Variants in JMJD1C observed in about 807,000 individuals in gnomAD.
JMJD1C encodes the protein jumonji domain containing 1C.
A neutral mutation model predicts 245.3 loss-of-function variants in JMJD1C; 31 were observed. The observed-to-expected ratio is 0.13, with a 90% CI of 0.09 to 0.17. The LOEUF (loss-of-function observed/expected upper bound fraction) is 0.17, where lower values mean the gene tolerates loss of function less well. Ranked by LOEUF, JMJD1C falls within the 10% of genes least tolerant of loss-of-function variation. JMJD1C has a pLI of 1.00. For synonymous variants in JMJD1C, 1,057 were observed against 1,017.4 expected (o/e 1.04, Z -0.74); for missense variants, 2,691 against 3,000.2 (o/e 0.90, Z 2.41).
chr10:63,268,357 A>C (rs1855882311), intron 2 of JMJD1C, among the ~76,000 whole-genome samples: 1 of 150,916 alleles, frequency 6.6e-6, no homozygotes, highest in Admixed American at 6.6e-5. Context: ...GGGAATAACC[A>C]AAAAAAAACC....
At chr10:63,406,339 T>C (rs1219954305) in intron 1 of JMJD1C, among the ~76,000 whole-genome samples, 1 of 152,134 alleles carries the variant, frequency 6.6e-6, no homozygotes, top group Non-Finnish European at 1.5e-5. Context: ...TGGAAAACAA[T>C]ACTGGAAGAG....
chr10:63,222,559 G>C, intron 3 of JMJD1C: 1 of 1,579,736 alleles, frequency 6.3e-7, no homozygotes, highest in Non-Finnish European at 8.7e-7. Flanking sequence ...GTGAAAAACA[G>C]TTTGAACTGT....
intron 1 of JMJD1C, among the ~76,000 whole-genome samples, chr10:63,401,545 C>T (rs977223724): frequency 2.6e-5 from 4 of 152,006 alleles, no homozygotes; most frequent in Non-Finnish European, 5.9e-5. Context: ...CATTTTGGTC[C>T]GAGAATATAC....
chr10:63,247,637 C>G (rs1852398266), intron 3 of JMJD1C, among the ~76,000 whole-genome samples: 1 of 139,626 alleles, frequency 7.2e-6, no homozygotes, highest in Admixed American at 8.1e-5. Flanking sequence ...GAGGTTGAGG[C>G]AGGAGAATTG....
intron 1 of JMJD1C, among the ~76,000 whole-genome samples, chr10:63,461,174 A>G (rs1952770504): frequency 6.6e-6 from 1 of 152,216 alleles, no homozygotes; most frequent in Non-Finnish European, 1.5e-5. Flanking sequence ...TTTACCAGCA[A>G]TAGCAATAAC....
intron 2 of JMJD1C, among the ~76,000 whole-genome samples, chr10:63,370,799 C>T (rs138186330): frequency 6.0e-4 from 92 of 152,174 alleles, no homozygotes; most frequent in African/African-American, 2.1e-3. Context: ...AAACATAAAA[C>T]AAGTTTACTA....
At chr10:63,413,385 T>C (rs1300200770) in intron 1 of JMJD1C, among the ~76,000 whole-genome samples, 1 of 152,184 alleles carries the variant, frequency 6.6e-6, no homozygotes, top group African/African-American at 2.4e-5. Flanking sequence ...TTAAATAACA[T>C]TCTTAAAATT....
chr10:63,433,977 GT>G (rs1950925916), intron 1 of JMJD1C, among the ~76,000 whole-genome samples: 1 of 150,182 alleles, frequency 6.7e-6, no homozygotes, highest in South Asian at 2.1e-4. Flanking sequence ...AATCATTTCA[GT>G]TACAGCTAAA....
At position 63,421,806 on chromosome 10, in the gene JMJD1C, A is replaced by G. The variant is rs935770392; in HGVS notation, c.169-41324T>C. ...TCTCTTACCCTGTCATACACAAGAG[A>G]AGGCCATGTGAGGACATGGCAAGAA... On this transcript the variant is annotated intron_variant, in intron 1 of 25. Coordinates refer to ENST00000399262, the MANE Select transcript of JMJD1C (RefSeq NM_032776.3). Among the ~76,000 whole-genome samples, 9 of 152,318 alleles carry G rather than the reference A, an allele frequency of 5.9e-5. No individual in the cohort carries two copies. In the East Asian group the frequency reaches 1.7e-3, roughly 29 times the overall value.
In JMJD1C at chr10:63,325,406, T is replaced by C. The variant is rs555622310; in HGVS notation, c.333+54912A>G. On this transcript the variant is annotated intron_variant, in intron 2 of 25. Transcript: ENST00000399262. ...CCCAGGATGGAGTGCTGTGAGGAGA[T>C]CACAGCTCACTGCAGCCTCAATCTC... Among the ~76,000 whole-genome samples the C allele has an allele frequency of 2.0e-5, 3 of 152,242 alleles. No individual in the cohort carries two copies. The East Asian group carries it at 5.8e-4, about 29-fold the overall frequency.
chr10:63,203,076 G>C (rs973520187), intron 10 of JMJD1C: 1 of 984,814 alleles, frequency 1.0e-6, no homozygotes, highest in Admixed American at 6.2e-5. Flanking sequence ...TAGGCATTTA[G>C]AGCTTTTTTT....
chr10:63,169,773 T>C (rs1442201897), intron 24 of JMJD1C, among the ~76,000 whole-genome samples: 1 of 152,196 alleles, frequency 6.6e-6, no homozygotes, highest in Non-Finnish European at 1.5e-5. Context: ...ATTTTCAGCA[T>C]TTCTGTACAG....
chr10:63,231,239 CTG>C, intron 3 of JMJD1C, among the ~76,000 whole-genome samples: 1 of 152,188 alleles, frequency 6.6e-6, no homozygotes. Flanking sequence ...TCCTAAATTT[CTG>C]TGATTACTTT....
At chr10:63,461,428 C>A (rs921151623) in intron 1 of JMJD1C, among the ~76,000 whole-genome samples, 11 of 152,042 alleles carry the variant, frequency 7.2e-5, no homozygotes, top group Non-Finnish European at 1.2e-4. Flanking sequence ...AAATGTAATG[C>A]TACCAACTAA....
chr10:63,223,443 G>T (rs749085541), intron 3 of JMJD1C, among the ~76,000 whole-genome samples: 1 of 151,930 alleles, frequency 6.6e-6, no homozygotes, highest in South Asian at 2.1e-4. Context: ...GACCAGGCTG[G>T]TCTCAAACTC....
At chr10:63,261,504 C>A (rs1224872363) in intron 3 of JMJD1C, among the ~76,000 whole-genome samples, 1 of 151,976 alleles carries the variant, frequency 6.6e-6, no homozygotes, top group African/African-American at 2.4e-5. Flanking sequence ...TTTCTTGAAA[C>A]CGGGAGGCGG....
intron 23 of JMJD1C, 85 bp from the exon 24 acceptor site, chr10:63,176,558 T>C: frequency 2.0e-6 from 2 of 995,710 alleles, no homozygotes; most frequent in Non-Finnish European, 3.0e-6. Flanking sequence ...TTATTTGTAA[T>C]AACAAATCTT....
chr10:63,439,752 A>G (rs1403110369), intron 1 of JMJD1C, among the ~76,000 whole-genome samples: 1 of 152,190 alleles, frequency 6.6e-6, no homozygotes, highest in African/African-American at 2.4e-5. Context: ...TAAAAACAAC[A>G]TGTAGATCAT....
chr10:63,452,537 A>G (rs1195103213), intron 1 of JMJD1C, among the ~76,000 whole-genome samples: 1 of 152,196 alleles, frequency 6.6e-6, no homozygotes, highest in Non-Finnish European at 1.5e-5. Flanking sequence ...GGTTCCTCAC[A>G]AAACATAAAA....
Sources: allele counts gnomAD v4.1 joint callset (sites outside exome capture counted in the v4.1 genomes callset), GRCh38; gene constraint gnomAD v4.1.1; transcripts MANE v1.5; gene names NCBI Gene and HGNC (gene_info 2026-07-23, HGNC 2026-07-21).